The following DIP2C variants were observed in gnomAD, a reference collection of about 807,000 sequenced individuals.
The protein encoded by DIP2C is DIP2 acetate--CoA ligase C (putative).
In DIP2C, 33 loss-of-function variants were observed where a neutral mutation model predicts 192.4. The ratio of observed to expected loss-of-function variants is 0.17; its 90% CI spans 0.13 to 0.23. The LOEUF (loss-of-function observed/expected upper bound fraction) is 0.23, where lower values mean the gene tolerates loss of function less well. Ranked by LOEUF, DIP2C falls within the 10% of genes least tolerant of loss-of-function variation. DIP2C has a pLI of 1.00. For synonymous variants in DIP2C, 979 were observed against 864.1 expected (o/e 1.13, Z -2.33); for missense variants, 1,537 against 2,110.1 (o/e 0.73, Z 5.32).
At chr10:540,694 G>C (rs374608377) in intron 1 of DIP2C, among the ~76,000 whole-genome samples, 1 of 152,228 alleles carries the variant, frequency 6.6e-6, no homozygotes, top group South Asian at 2.1e-4. Flanking sequence ...AATGGTCACA[G>C]TGCTATGTAA....
rs1855933320 is a variant in DIP2C at position 651,870 on chromosome 10, C to T, written c.85+37624G>A. Reference sequence around the variant, plus strand: ...AAACTACAAAAGAAACCACCTGCTACTGCAAACGGCCTCGCTGTACTCAGG... The same window carrying T: ...AAACTACAAAAGAAACCACCTGCTATTGCAAACGGCCTCGCTGTACTCAGG... On this transcript the variant is annotated intron_variant, in intron 1 of 36. Coordinates refer to ENST00000280886, the MANE Select transcript of DIP2C (RefSeq NM_014974.3). The surrounding 1 kb of genome is among the most constrained non-coding windows in gnomAD (Gnocchi z 4.1). 2 of 201,438 alleles carry T rather than the reference C, an allele frequency of 9.9e-6. No individual in the cohort carries two copies. The highest frequency in any genetic ancestry group is 2.0e-5 in the Non-Finnish European group (2 of 98,844). 12.5% of individuals were successfully genotyped at this position (201,438 alleles called of 1,614,324 possible).
chr10:589,044 A>T (rs910204860), intron 1 of DIP2C, among the ~76,000 whole-genome samples: 7 of 152,092 alleles, frequency 4.6e-5, no homozygotes, highest in Non-Finnish European at 5.9e-5. Flanking sequence ...GGTGTAAAAA[A>T]ATTCACCGCA....
chr10:283,142 C>T, intron 35 of DIP2C, 130 bp downstream of exon 35: 2 of 1,273,332 alleles, frequency 1.6e-6, no homozygotes, highest in Non-Finnish European at 2.2e-6. Context: ...TCTTTTCACA[C>T]TGGGTTGTAG....
At chr10:623,000 A>G (rs557637637) in intron 1 of DIP2C, among the ~76,000 whole-genome samples, 1 of 152,306 alleles carries the variant, frequency 6.6e-6, no homozygotes, top group South Asian at 2.1e-4. Context: ...CTTTATTCCA[A>G]TTCTACAGCG....
intron 1 of DIP2C, among the ~76,000 whole-genome samples, chr10:567,501 C>A (rs1373036391): frequency 1.3e-5 from 2 of 152,112 alleles, no homozygotes; most frequent in Non-Finnish European, 2.9e-5. Flanking sequence ...CACAACACAA[C>A]TGAAAGTTAG....
intron 32 of DIP2C, among the ~76,000 whole-genome samples, chr10:288,776 C>T (rs1299451851): frequency 2.6e-5 from 4 of 152,216 alleles, no homozygotes; most frequent in African/African-American, 9.6e-5. Context: ...ACTGTGTTGC[C>T]TGGTCCTCAA....
chr10:318,662 G>T (rs1243313119), intron 31 of DIP2C, among the ~76,000 whole-genome samples: 1 of 152,182 alleles, frequency 6.6e-6, no homozygotes, highest in Middle Eastern at 3.2e-3. Flanking sequence ...CCTGGAATAT[G>T]GTTTCCATGA....
At chr10:514,903 C>A (rs1329627635) in intron 1 of DIP2C, among the ~76,000 whole-genome samples, 2 of 152,130 alleles carry the variant, frequency 1.3e-5, no homozygotes, top group Non-Finnish European at 2.9e-5. Context: ...CCTGCAATAA[C>A]CTCATTTCTG....
intron 3 of DIP2C, among the ~76,000 whole-genome samples, chr10:455,303 C>T (rs1391087820): frequency 6.9e-6 from 1 of 144,768 alleles, no homozygotes. Context: ...AAACACTCTG[C>T]AGTGAGTCCC....
chr10:608,234 G>GC (rs1160571636), intron 1 of DIP2C, among the ~76,000 whole-genome samples: 1 of 5,420 alleles, frequency 1.8e-4, no homozygotes, highest in East Asian at 8.6e-3. Flanking sequence ...CACCCCCACA[G>GC]CCCCCCCCAC....
chr10:644,655 G>A (rs936893884), intron 1 of DIP2C, among the ~76,000 whole-genome samples: 1 of 151,640 alleles, frequency 6.6e-6, no homozygotes. Flanking sequence ...AATGAAACAC[G>A]GCCCCCAAAT....
chr10:573,197 G>A (rs1286807820), intron 1 of DIP2C, among the ~76,000 whole-genome samples: 1 of 152,010 alleles, frequency 6.6e-6, no homozygotes, highest in Non-Finnish European at 1.5e-5. Flanking sequence ...TCCAAGGAAG[G>A]GAAAATCATG....
chr10:459,588 C>G (rs1035291044), intron 3 of DIP2C, among the ~76,000 whole-genome samples: 2 of 152,196 alleles, frequency 1.3e-5, no homozygotes, highest in Non-Finnish European at 2.9e-5. Context: ...ACATGCTGCA[C>G]GTGGGCTCTA....
chr10:353,785 T>G (rs1236062291), intron 24 of DIP2C, among the ~76,000 whole-genome samples: 1 of 152,196 alleles, frequency 6.6e-6, no homozygotes, highest in Non-Finnish European at 1.5e-5. Context: ...GGGGGGCTGG[T>G]GTACGTGCTG....
At chr10:547,945 C>A (rs1260378016) in intron 1 of DIP2C, among the ~76,000 whole-genome samples, 1 of 152,146 alleles carries the variant, frequency 6.6e-6, no homozygotes, top group African/African-American at 2.4e-5. Flanking sequence ...TTTCCACCTG[C>A]AGGGACCTGT....
At chr10:610,456 T>C (rs1564267045) in intron 1 of DIP2C, among the ~76,000 whole-genome samples, 3 of 152,168 alleles carry the variant, frequency 2.0e-5, no homozygotes, top group Non-Finnish European at 1.5e-5. Context: ...TGAATGTTAC[T>C]AGCACAAGGA....
intron 1 of DIP2C, among the ~76,000 whole-genome samples, chr10:579,928 G>A (rs778838222): frequency 1.3e-5 from 2 of 151,508 alleles, no homozygotes; most frequent in Non-Finnish European, 2.9e-5. Context: ...GTACATATAG[G>A]TACACTATAA....
chr10:411,040 T>C (rs1372638905), intron 8 of DIP2C, among the ~76,000 whole-genome samples: 1 of 152,128 alleles, frequency 6.6e-6, no homozygotes, highest in African/African-American at 2.4e-5. Flanking sequence ...GGCGAAGGGC[T>C]GAACCGGAGC....
intron 32 of DIP2C, among the ~76,000 whole-genome samples, chr10:289,087 CCATCACACT>C (rs1012804803): frequency 6.6e-6 from 1 of 152,186 alleles, no homozygotes; most frequent in Non-Finnish European, 1.5e-5. Context: ...GCCTAGTGGA[CCATCACACT>C]CTTCATTCAC....
Sources: allele counts gnomAD v4.1 joint callset (sites outside exome capture counted in the v4.1 genomes callset), GRCh38; gene constraint gnomAD v4.1.1; non-coding constraint Gnocchi (gnomAD v3.1); transcripts MANE v1.5; gene names NCBI Gene and HGNC (gene_info 2026-07-23, HGNC 2026-07-21).